The following PLEC variants were observed in gnomAD, a reference collection of about 807,000 sequenced individuals.
PLEC encodes the protein plectin.
PLEC carries 216 observed loss-of-function variants against 392.8 expected under a neutral mutation model. The ratio of observed to expected loss-of-function variants is 0.55; its 90% CI spans 0.49 to 0.62. PLEC has a LOEUF of 0.62. Ranked by LOEUF, PLEC falls within the 20% of genes least tolerant of loss-of-function variation. PLEC has a pLI of 0.00. For synonymous variants in PLEC, 3,621 were observed against 2,980.6 expected, an observed-to-expected ratio of 1.21 and a Z score of -7.00; for missense variants, 6,863 against 6,563.4, an observed-to-expected ratio of 1.05 and a Z score of -1.58.
rs1824993143 is a variant in PLEC at position 143,925,919 on chromosome 8, G to A, written c.4045-35C>T. On this transcript the variant is annotated intron_variant, in intron 30 of 31. Coordinates refer to ENST00000345136, the MANE Select transcript of PLEC (RefSeq NM_201384.3). ...CAGCAGAGAGAAGAAGAGAAGCAGA[G>A]AGAGTGTGAACACGGGCAGGCGCTG... The A allele has an allele frequency of 2.0e-6, 3 of 1,533,444 alleles. No individual in the cohort carries two copies. The highest frequency in any genetic ancestry group is 1.2e-5 in the South Asian group (1 of 84,168). The allele number at this position is 1,533,444 out of a possible 1,614,324, so 95.0% of individuals were successfully genotyped here.
At chr8:143,952,129 T>G (rs1418837382), upstream of PLEC, among the ~76,000 whole-genome samples, 1 of 151,870 alleles carries the variant, frequency 6.6e-6, no homozygotes, top group African/African-American at 2.4e-5. Flanking sequence ...ACAAGCAGCT[T>G]GTGGGGGCGG....
rs782537172 is a variant in PLEC, at chr8:143,931,946, G to A, written c.2169C>T (p.Ala723=). ...CIEAHLKENA[A]YFQFFSDVRE... The stretch of plus-strand genomic sequence containing the variant: ...GGGCTCCGGTTCTCACCTGAAAGTA[G>A]GCAGCGTTCTCCTTCAGGTGTGCCT... Residue 723 remains alanine, a synonymous_variant, in exon 18 of 32, where the codon GCC becomes GCT. Coordinates refer to ENST00000345136, the MANE Select transcript of PLEC (RefSeq NM_201384.3). 8.1e-6 allele frequency: 13 copies of A among 1,606,204 alleles called. No individual in the cohort carries two copies. The highest frequency in any genetic ancestry group is 4.5e-5 in the East Asian group (2 of 44,798).
chr8:143,922,484 G>A lies in PLEC; in HGVS notation c.7425+20C>T, dbSNP rs201461568. Reference sequence around the variant, plus strand: ...AGATCCCCGGGCCCACCCGCCCGTCGCACGTAGAGGGGGCGGTACCTCCTC... The same window carrying A: ...AGATCCCCGGGCCCACCCGCCCGTCACACGTAGAGGGGGCGGTACCTCCTC... On this transcript the variant is annotated intron_variant, in intron 31 of 31. Transcript: ENST00000345136. The A allele has an allele frequency of 1.8e-5, 29 of 1,604,680 alleles. No individual in the cohort carries two copies. The highest frequency in any genetic ancestry group is 5.3e-5 in the African/African-American group (4 of 74,926).
chr8:143,954,178 AC>A (rs1832463309), upstream of PLEC, among the ~76,000 whole-genome samples: 1 of 148,988 alleles, frequency 6.7e-6, no homozygotes, highest in Non-Finnish European at 1.5e-5. This position sits in a 1 kb window ranked among gnomAD's most constrained non-coding sequence, Gnocchi z 4.6. Context: ...TGAAGCCGTT[AC>A]CCGCGCCCTG....
upstream of PLEC, among the ~76,000 whole-genome samples, chr8:143,939,819 C>CAG (rs5895792): frequency 0.3 from 44,897 of 152,062 alleles, 7,894 homozygotes; most frequent in Non-Finnish European, 0.39. Context: ...CCTGGGGACA[C>CAG]GGGGAGCTGG....
chr8:143,931,290 C>T (rs1230670513), intron 19 of PLEC, among the ~76,000 whole-genome samples: 1 of 108,740 alleles, frequency 9.2e-6, no homozygotes, highest in Non-Finnish European at 2.4e-5. Flanking sequence ...CTTGGCTGAC[C>T]TCTACACCTC....
rs1454577267 is a variant in PLEC, at chr8:143,973,181, G to A, written c.70+222C>T. ...CGCCCGCGGCCCACCCCACCCACCC[G>A]AGCCGCGCGATGCCCTATTAAGGGC... On this transcript the variant is annotated intron_variant, in intron 1 of 31. Transcript: ENST00000356346. The surrounding 1 kb of genome is among the most constrained non-coding windows in gnomAD (Gnocchi z 5.6). 1.7e-5 allele frequency among the ~76,000 whole-genome samples: 2 copies of A among 119,804 alleles called. No individual in the cohort carries two copies. Among genetic ancestry groups the A allele is most frequent in the African/African-American group, 6.1e-5 (2 of 32,876 alleles). 78.6% of individuals were successfully genotyped at this position (119,804 alleles called of 152,430 possible).
chr8:143,925,716 C>G lies in PLEC; in HGVS notation c.4213G>C (p.Glu1405Gln), dbSNP rs782015257. The G allele has an allele frequency of 2.5e-6, 4 of 1,595,098 alleles. No homozygotes were observed. The highest frequency in any genetic ancestry group is 1.1e-5 in the South Asian group (1 of 90,678). The change falls in exon 31 of 32, where the codon GAG becomes CAG. Residue 1405 changes from glutamate to glutamine, a missense_variant. Glu to Gln is a conservative substitution (Grantham distance 29). Transcript: ENST00000345136. ...TGCTGCGCGTCCACCGCCGCCTCCT[C>G]CCGCCGCACCACCTCCTCCTGCATG... ...QRMQEEVVRR[E>Q]EAAVDAQQQK...
At chr8:143,957,834 C>T (rs1027418010), upstream of PLEC, among the ~76,000 whole-genome samples, 3 of 147,480 alleles carry the variant, frequency 2.0e-5, no homozygotes, top group Non-Finnish European at 4.5e-5. Context: ...AACCCCCTGG[C>T]AGCCTGCCCT....
At position 143,922,562 on chromosome 8, in the gene PLEC, T is replaced by A; in HGVS notation, c.7367A>T (p.Glu2456Val). The A allele has an allele frequency of 6.2e-7, 1 of 1,613,396 alleles. No individual in the cohort carries two copies. The highest frequency in any genetic ancestry group is 8.5e-7 in the Non-Finnish European group (1 of 1,179,986). The change falls in exon 31 of 32, where the codon GAG becomes GTG. Residue 2456 changes from glutamate (E) to valine (V), a missense_variant. By Grantham distance (121) the Glu-to-Val change is moderately radical. Coordinates refer to ENST00000345136, the MANE Select transcript of PLEC (RefSeq NM_201384.3). ...ERLREAIAEL[E>V]REKEKLQQEA... Reference sequence around the variant, plus strand: ...CTGTTGGAGCTTCTCCTTCTCACGCTCCAGCTCAGCGATGGCCTCCCGCAG... The same window carrying A: ...CTGTTGGAGCTTCTCCTTCTCACGCACCAGCTCAGCGATGGCCTCCCGCAG...
chr8:143,953,990 T>G, upstream of PLEC: 1 of 1,217,120 alleles, frequency 8.2e-7, no homozygotes, highest in South Asian at 1.8e-5. Flanking sequence ...CAGCCTGTGG[T>G]TCTGGGGCAC....
At position 143,924,469 on chromosome 8, in the gene PLEC, G is replaced by T. The variant is rs782259899; in HGVS notation, c.5460C>A (p.Ala1820=). ...AEEAKRQRQL[A]EEDAARQRAE... ...CCCGCTGCCGCGCCGCGTCTTCCTCGGCCAGCTGCCGCTGCCGCTTGGCCT... is the reference window on the plus strand; with the variant it reads ...CCCGCTGCCGCGCCGCGTCTTCCTCTGCCAGCTGCCGCTGCCGCTTGGCCT... The change falls in exon 31 of 32, where the codon GCC becomes GCA. Residue 1820 remains alanine, a synonymous_variant. Transcript: ENST00000345136. 1 of 1,537,032 alleles carries T rather than the reference G, an allele frequency of 6.5e-7. No homozygotes were observed. The highest frequency in any genetic ancestry group is 1.2e-5 in the South Asian group (1 of 84,278).
At chr8:143,950,906 C>T (rs1215527247), upstream of PLEC, 12 of 1,132,662 alleles carry the variant, frequency 1.1e-5, no homozygotes, top group South Asian at 9.9e-5. Context: ...CGCCTGGCTC[C>T]GTGCAATCCC....
intron 2 of PLEC, 141 bp from the exon 3 acceptor site, chr8:143,938,381 T>C: frequency 6.5e-7 from 1 of 1,535,320 alleles, no homozygotes; most frequent in East Asian, 2.4e-5. Context: ...GAACACACCC[T>C]GCCCCACGGA....
rs1447017286 is a variant in PLEC, at chr8:143,924,848, A to G, written c.5081T>C (p.Leu1694Pro). Reference sequence around the variant, plus strand: ...TTCCGCCAGCTGCCGCTGCTTCTCCAGCTCTTGTTCAGCCAGCTCCCGCTG... The same window carrying G: ...TTCCGCCAGCTGCCGCTGCTTCTCCGGCTCTTGTTCAGCCAGCTCCCGCTG... ...VRQRELAEQE[L>P]EKQRQLAEGT... Residue 1694 changes from leucine (L) to proline (P), a missense_variant, in exon 31 of 32, where the codon CTG becomes CCG. By Grantham distance (98) the Leu-to-Pro change is moderately conservative. Transcript: ENST00000345136. The G allele has an allele frequency of 6.3e-7, 1 of 1,585,362 alleles. No homozygotes were observed. The highest frequency in any genetic ancestry group is 8.5e-7 in the Non-Finnish European group (1 of 1,173,760).
At chr8:143,947,377 A>G (rs1223978298) in intron 1 of PLEC, among the ~76,000 whole-genome samples, 1 of 152,232 alleles carries the variant, frequency 6.6e-6, no homozygotes, top group Non-Finnish European at 1.5e-5. Flanking sequence ...TTGCTGGTGC[A>G]TGGACAGCGC....
upstream of PLEC, among the ~76,000 whole-genome samples, chr8:143,955,515 C>T (rs1393739484): frequency 6.6e-6 from 1 of 152,178 alleles, no homozygotes; most frequent in Non-Finnish European, 1.5e-5. Context: ...GTGAATCATA[C>T]TTCCTTAGTA....
chr8:143,925,491 C>A lies in PLEC; in HGVS notation c.4438G>T (p.Ala1480Ser), dbSNP rs781915274. The A allele has an allele frequency of 1.3e-6, 2 of 1,596,230 alleles. No homozygotes were observed. Among genetic ancestry groups the A allele is most frequent in the Non-Finnish European group, 1.7e-6 (2 of 1,178,208 alleles). Residue 1480 changes from alanine to serine, a missense_variant, in exon 31 of 32, where the codon GCA (alanine) becomes TCA (serine). Coordinates refer to ENST00000345136, the MANE Select transcript of PLEC (RefSeq NM_201384.3). ...GAEGELQALR[A>S]RAEEAEAQKR... ...TGTGCCTCAGCCTCCTCCGCCCGTG[C>A]ACGCAGTGCCTGCAGCTCCCCCTCA...
chr8:143,973,570 GCCCCGC>G (rs1833547475), upstream of PLEC: 3 of 974,622 alleles, frequency 3.1e-6, no homozygotes, highest in Non-Finnish European at 3.7e-6. This position sits in a 1 kb window ranked among gnomAD's most constrained non-coding sequence, Gnocchi z 5.6. Flanking sequence ...GGCCGCCCCC[GCCCCGC>G]CCCCGCCCCG....
Sources: gnomAD v4.1 joint callset for allele counts (sites outside exome capture counted in the v4.1 genomes callset) on GRCh38, gnomAD v4.1.1 for gene constraint, Gnocchi (gnomAD v3.1) non-coding constraint, MANE v1.5 for transcripts, NCBI Gene and HGNC (gene_info 2026-07-23, HGNC 2026-07-21) for gene names.